SYN3: variants seen among roughly 807,000 people sequenced by gnomAD.
The protein encoded by SYN3 is synapsin III.
Under a neutral mutation model 65.8 loss-of-function variants are expected in SYN3, and 35 were observed. The observed-to-expected ratio is 0.53, with a 90% CI of 0.41 to 0.70. The LOEUF (loss-of-function observed/expected upper bound fraction) is 0.70. Among genes scored for constraint, SYN3 ranks in the 30% least tolerant of loss-of-function variants. The probability of loss-of-function intolerance (pLI) is 0.00; values close to 1 mark genes in which losing one functional copy is unlikely to be tolerated. For missense variants in SYN3, 680 were observed against 749.0 expected, an observed-to-expected ratio of 0.91 and a Z score of 1.08; for synonymous variants, 270 against 292.9, an observed-to-expected ratio of 0.92 and a Z score of 0.80.
At chr22:32,915,981 G>T (rs1427984128) in intron 4 of SYN3, among the ~76,000 whole-genome samples, 1 of 152,196 alleles carries the variant, frequency 6.6e-6, no homozygotes, top group Non-Finnish European at 1.5e-5. Flanking sequence ...CCACTAGAAT[G>T]AGGGAGAAGT....
intron 1 of SYN3, among the ~76,000 whole-genome samples, chr22:33,046,385 T>C (rs1307929526): frequency 6.6e-6 from 1 of 152,152 alleles, no homozygotes; most frequent in Non-Finnish European, 1.5e-5. Context: ...AAAACCTAAA[T>C]ACAAATGTTT....
At chr22:32,723,046 A>T (rs1192745104) in intron 6 of SYN3, among the ~76,000 whole-genome samples, 1 of 152,164 alleles carries the variant, frequency 6.6e-6, no homozygotes, top group Non-Finnish European at 1.5e-5. Context: ...GGTTCCAAAG[A>T]ATTGAGTGAC....
At chr22:32,595,010 G>A (rs967090697) in intron 7 of SYN3, among the ~76,000 whole-genome samples, 60 of 152,332 alleles carry the variant, frequency 3.9e-4, no homozygotes, top group African/African-American at 1.4e-3. Context: ...CCCCTCCAAT[G>A]TGAGTGGCAG....
At chr22:32,694,606 T>C (rs1474700237) in intron 6 of SYN3, among the ~76,000 whole-genome samples, 1 of 152,084 alleles carries the variant, frequency 6.6e-6, no homozygotes, top group Non-Finnish European at 1.5e-5. Flanking sequence ...AGTTGAAAAA[T>C]ATGGTATTCT....
chr22:32,659,694 AC>A (rs1212789468), intron 6 of SYN3, among the ~76,000 whole-genome samples: 2 of 152,150 alleles, frequency 1.3e-5, no homozygotes, highest in Admixed American at 6.5e-5. Context: ...ACTGGGTGTG[AC>A]CCTGGACAAA....
chr22:33,045,141 C>G (rs1053066462), intron 1 of SYN3, among the ~76,000 whole-genome samples: 1 of 152,054 alleles, frequency 6.6e-6, no homozygotes, highest in African/African-American at 2.4e-5. Flanking sequence ...CCGCGCCCAG[C>G]CCCAGATGAT....
chr22:33,039,376 CTTT>C (rs59092244), intron 1 of SYN3, among the ~76,000 whole-genome samples: 4 of 135,186 alleles, frequency 3.0e-5, no homozygotes, highest in Admixed American at 2.2e-4. Flanking sequence ...TCAAATGTGA[CTTT>C]TTTTTTTTTT....
chr22:32,719,467 G>T (rs1159023841), intron 6 of SYN3, among the ~76,000 whole-genome samples: 1 of 152,184 alleles, frequency 6.6e-6, no homozygotes. Context: ...TGAAGATAGG[G>T]ATTGTTTTGT....
At chr22:32,647,505 G>A (rs112147140) in intron 6 of SYN3, among the ~76,000 whole-genome samples, 7 of 151,144 alleles carry the variant, frequency 4.6e-5, no homozygotes, top group Middle Eastern at 3.5e-3. Flanking sequence ...GGAGTGCAGC[G>A]GTATGATCAT....
At chr22:32,934,075 C>T (rs2050709380) in intron 3 of SYN3, among the ~76,000 whole-genome samples, 1 of 152,076 alleles carries the variant, frequency 6.6e-6, no homozygotes, top group Non-Finnish European at 1.5e-5. Flanking sequence ...TGGTAATGGC[C>T]TAGTTATTAA....
intron 7 of SYN3, among the ~76,000 whole-genome samples, chr22:32,556,834 T>TTTTTTTGTG (rs1569035464): frequency 7.7e-6 from 1 of 129,292 alleles, no homozygotes; most frequent in Non-Finnish European, 1.6e-5. Context: ...TTTTTTTTTT[T>TTTTTTTGTG]TGTGTGTAGA....
At chr22:32,667,742 G>A (rs1395013553) in intron 6 of SYN3, among the ~76,000 whole-genome samples, 2 of 151,990 alleles carry the variant, frequency 1.3e-5, no homozygotes. Context: ...TCAAGGTCGG[G>A]AAAGAAGAGG....
At position 32,533,784 on chromosome 22, in the gene SYN3, A is replaced by G. The variant is rs780459491; in HGVS notation, c.1095+9T>C. 4.4e-6 allele frequency: 7 copies of G among 1,603,534 alleles called. No homozygotes were observed. The Admixed American group carries it at 1.2e-4, about 27-fold the overall frequency. ...ACCAGCCAGGAGGACTCCCTGCTTC[A>G]TCCCTCACCTCGATGATGTAATCTC... is the stretch of plus-strand genomic sequence containing the variant. On this transcript the variant is annotated intron_variant, in intron 10 of 13. Coordinates refer to ENST00000358763, the MANE Select transcript of SYN3 (RefSeq NM_003490.4).
At chr22:33,038,005 A>AG (rs1177641316) in intron 1 of SYN3, among the ~76,000 whole-genome samples, 7 of 152,084 alleles carry the variant, frequency 4.6e-5, no homozygotes, top group Admixed American at 1.3e-4. Context: ...TTAAAAAAAA[A>AG]AAGGAATAAA....
chr22:33,050,141 G>A (rs771686493), intron 1 of SYN3, among the ~76,000 whole-genome samples: 1 of 152,124 alleles, frequency 6.6e-6, no homozygotes, highest in Non-Finnish European at 1.5e-5. Context: ...CAAGTGACAT[G>A]AAACAAATCC....
chr22:32,744,687 G>A (rs535314210), intron 6 of SYN3, among the ~76,000 whole-genome samples: 14 of 152,184 alleles, frequency 9.2e-5, no homozygotes, highest in Non-Finnish European at 1.8e-4. Flanking sequence ...CTGTCAACCC[G>A]GAGAAGCAGC....
chr22:33,051,700 C>T (rs1286161236), intron 1 of SYN3, among the ~76,000 whole-genome samples: 1 of 152,078 alleles, frequency 6.6e-6, no homozygotes, highest in African/African-American at 2.4e-5. Context: ...GGTCAGGGAC[C>T]CAAAGGTCCC....
chr22:32,702,680 A>G (rs1040937550), intron 6 of SYN3, among the ~76,000 whole-genome samples: 4 of 152,198 alleles, frequency 2.6e-5, no homozygotes, highest in African/African-American at 9.7e-5. Context: ...ACTTAATTAA[A>G]ATCAAAGTGC....
chr22:32,530,978 G>A (rs2058059635), intron 10 of SYN3, among the ~76,000 whole-genome samples: 1 of 151,660 alleles, frequency 6.6e-6, no homozygotes, highest in Non-Finnish European at 1.5e-5. Context: ...TTTGTAAGAA[G>A]AGCAGAAGGG....
Sources: allele counts gnomAD v4.1 joint callset (sites outside exome capture counted in the v4.1 genomes callset), GRCh38; gene constraint gnomAD v4.1.1; transcripts MANE v1.5; gene names NCBI Gene and HGNC (gene_info 2026-07-23, HGNC 2026-07-21).